The following ZBTB16 variants were observed in gnomAD, a reference collection of about 807,000 sequenced individuals.
The protein encoded by ZBTB16 is zinc finger and BTB domain containing 16.
ZBTB16 carries 8 observed loss-of-function variants against 56.8 expected under a neutral mutation model. The observed-to-expected ratio is 0.14, with a 90% CI of 0.08 to 0.25. The LOEUF (loss-of-function observed/expected upper bound fraction) is 0.25, where lower values mean the gene tolerates loss of function less well. ZBTB16 is among the 10% of genes least tolerant of loss of function. The pLI is 1.00. For missense variants in ZBTB16, 625 were observed against 903.0 expected, an observed-to-expected ratio of 0.69 and a Z score of 3.95; for synonymous variants, 363 against 368.5, an observed-to-expected ratio of 0.98 and a Z score of 0.17.
At chr11:114,192,969 AG>A in intron 4 of ZBTB16, among the ~76,000 whole-genome samples, 1 of 152,310 alleles carries the variant, frequency 6.6e-6, no homozygotes, top group South Asian at 2.1e-4. Flanking sequence ...GCAGCTGTGG[AG>A]GCTGTTCCTA....
intron 2 of ZBTB16, among the ~76,000 whole-genome samples, chr11:114,120,412 T>C (rs906954390): frequency 4.6e-5 from 7 of 152,182 alleles, no homozygotes; most frequent in African/African-American, 1.7e-4. Context: ...CCTGGCTTTG[T>C]TCATCTTGAA....
intron 2 of ZBTB16, among the ~76,000 whole-genome samples, chr11:114,098,347 G>A (rs1051188996): frequency 3.3e-5 from 5 of 152,226 alleles, no homozygotes; most frequent in East Asian, 3.9e-4. Flanking sequence ...AGTACCAGGC[G>A]TGTGGGCGCA....
In ZBTB16 at chr11:114,175,158, G is replaced by T. The variant is rs371835112; in HGVS notation, c.1367-11794G>T. ...CACTCAGAAATGGGACTGTAAGGTT[G>T]TTGAAGGTTTAAACAAGATGATGCA... On this transcript the variant is annotated intron_variant, in intron 3 of 6. Transcript: ENST00000335953. Among the ~76,000 whole-genome samples, 19 of 152,308 alleles carry T rather than the reference G, an allele frequency of 1.2e-4. No individual in the cohort carries two copies. In the East Asian group the frequency reaches 2.7e-3, roughly 22 times the overall value.
chr11:114,150,811 G>A (rs628946), intron 2 of ZBTB16, among the ~76,000 whole-genome samples: 69,252 of 152,114 alleles, frequency 0.46, 18,825 homozygotes, highest in Middle Eastern at 0.7. Context: ...TCTTATCACC[G>A]AGCTTAAGAG....
chr11:114,163,535 T>C (rs1311568439), intron 3 of ZBTB16, among the ~76,000 whole-genome samples: 2 of 152,128 alleles, frequency 1.3e-5, no homozygotes, highest in Non-Finnish European at 1.5e-5. Context: ...AACTGCCACC[T>C]TAGTGCTGCG....
rs934777642 is a variant in ZBTB16, at chr11:114,149,510, T to C, written c.1269-6827T>C. ...GTGTTAACTAGCACTCAGTTAGTTC[T>C]TGGTTGTTTTTCTTAATCTGTTGTT... is the stretch of plus-strand genomic sequence containing the variant. On this transcript the variant is annotated intron_variant, in intron 2 of 6. Coordinates refer to ENST00000335953, the MANE Select transcript of ZBTB16 (RefSeq NM_006006.6). Among the ~76,000 whole-genome samples the C allele has an allele frequency of 2.6e-5, 4 of 152,338 alleles. No individual in the cohort carries two copies. The East Asian group carries it at 7.7e-4, about 29-fold the overall frequency.
intron 6 of ZBTB16, among the ~76,000 whole-genome samples, chr11:114,249,878 TCTGTAGC>T (rs1944888617): frequency 6.8e-6 from 1 of 146,778 alleles, no homozygotes; most frequent in African/African-American, 2.5e-5. Context: ...CTCCCCACCA[TCTGTAGC>T]CCTGAAAGGT....
chr11:114,229,955 C>G (rs1944403651), intron 4 of ZBTB16, among the ~76,000 whole-genome samples: 1 of 152,070 alleles, frequency 6.6e-6, no homozygotes, highest in African/African-American at 2.4e-5. Flanking sequence ...TGATGAAATC[C>G]CTTCCTCTGA....
At chr11:114,070,275 A>AT (rs1397134620) in intron 2 of ZBTB16, among the ~76,000 whole-genome samples, 4 of 150,726 alleles carry the variant, frequency 2.7e-5, no homozygotes, top group Middle Eastern at 6.9e-3. Flanking sequence ...CGCCCGGCTA[A>AT]TTTTTTGTAT....
At chr11:114,238,411 T>TG (rs1394627794) in intron 4 of ZBTB16, among the ~76,000 whole-genome samples, 2 of 151,896 alleles carry the variant, frequency 1.3e-5, no homozygotes, top group Non-Finnish European at 2.9e-5. Flanking sequence ...AGTCTGTGAT[T>TG]GGGGTGCCAG....
At chr11:114,114,110 G>A (rs1381213633) in intron 2 of ZBTB16, among the ~76,000 whole-genome samples, 1 of 152,166 alleles carries the variant, frequency 6.6e-6, no homozygotes, top group Non-Finnish European at 1.5e-5. Flanking sequence ...TTTATTTTCG[G>A]GAAATAAGTA....
intron 5 of ZBTB16, among the ~76,000 whole-genome samples, chr11:114,244,927 T>C (rs566752890): frequency 6.6e-6 from 1 of 152,278 alleles, no homozygotes; most frequent in African/African-American, 2.4e-5. Context: ...CCAGCTGAAG[T>C]CTCACGTGGC....
chr11:114,061,361 T>G (rs932004701), intron 1 of ZBTB16: 12 of 152,166 alleles, frequency 7.9e-5, no homozygotes, highest in African/African-American at 2.9e-4. Context: ...TTTTGGCTGT[T>G]CCCTCCTAGT....
intron 4 of ZBTB16, among the ~76,000 whole-genome samples, chr11:114,240,603 G>A (rs1266144382): frequency 2.0e-5 from 3 of 152,134 alleles, no homozygotes; most frequent in South Asian, 2.1e-4. Context: ...TGGGCCTGCC[G>A]GGGAGCTCCT....
intron 6 of ZBTB16, among the ~76,000 whole-genome samples, chr11:114,248,757 T>C (rs910722683): frequency 9.2e-5 from 14 of 152,158 alleles, no homozygotes; most frequent in Admixed American, 8.5e-4. Context: ...TGGGTGTCCG[T>C]TGATGACAAC....
At chr11:114,176,195 C>T (rs1036944407) in intron 3 of ZBTB16, among the ~76,000 whole-genome samples, 3 of 152,148 alleles carry the variant, frequency 2.0e-5, no homozygotes, top group South Asian at 2.1e-4. Flanking sequence ...TCTTTTCATT[C>T]TGAACTTCTC....
intron 2 of ZBTB16, among the ~76,000 whole-genome samples, chr11:114,127,328 G>T (rs919084405): frequency 6.6e-6 from 1 of 152,150 alleles, no homozygotes; most frequent in Non-Finnish European, 1.5e-5. Flanking sequence ...GGACTCCCAT[G>T]GTGTGCGTGT....
At chr11:114,165,921 G>A (rs577348698) in intron 3 of ZBTB16, among the ~76,000 whole-genome samples, 1 of 152,290 alleles carries the variant, frequency 6.6e-6, no homozygotes, top group East Asian at 1.9e-4. Flanking sequence ...AATGGCTGCA[G>A]GTCGCAATGG....
intron 4 of ZBTB16, among the ~76,000 whole-genome samples, chr11:114,221,208 A>C (rs1216119255): frequency 6.6e-6 from 1 of 152,194 alleles, no homozygotes; most frequent in Non-Finnish European, 1.5e-5. Flanking sequence ...AATAGGAATA[A>C]TCAAACAGAT....
Sources: gnomAD v4.1 joint callset for allele counts (sites outside exome capture counted in the v4.1 genomes callset) on GRCh38, gnomAD v4.1.1 for gene constraint, MANE v1.5 for transcripts, NCBI Gene and HGNC (gene_info 2026-07-23, HGNC 2026-07-21) for gene names.